TLN2: variants seen among roughly 807,000 people sequenced by gnomAD.
TLN2 encodes the protein talin 2, also known as talin-2.
A neutral mutation model predicts 294.7 loss-of-function variants in TLN2; 118 were observed. The ratio of observed to expected loss-of-function variants is 0.40; its 90% CI spans 0.34 to 0.47. TLN2 has a LOEUF of 0.47. TLN2 is among the 20% of genes least tolerant of loss of function. The pLI is 0.84. For missense variants in TLN2, 3,083 were observed against 3,282.2 expected (o/e 0.94, Z 1.48); for synonymous variants, 1,431 against 1,304.5 (o/e 1.10, Z -2.09).
At chr15:62,686,850 TG>T (rs1378263030) in intron 12 of TLN2, 54 bp downstream of exon 12, 2 of 1,597,984 alleles carry the variant, frequency 1.3e-6, no homozygotes, top group Non-Finnish European at 1.7e-6. Context: ...AGTGATATTG[TG>T]GGGACAGGAG....
In TLN2 at chr15:62,796,121, C is replaced by T; in HGVS notation, c.5884-6C>T. The T allele has an allele frequency of 1.2e-6, 2 of 1,613,462 alleles. No homozygotes were observed. Among genetic ancestry groups the T allele is most frequent in the East Asian group, 4.5e-5 (2 of 44,890 alleles). On this transcript the variant is annotated splice_polypyrimidine_tract_variant and splice_region_variant and intron_variant, in intron 46 of 58. Coordinates refer to ENST00000636159, the MANE Select transcript of TLN2 (RefSeq NM_015059.3). The stretch of plus-strand genomic sequence containing the variant: ...AGCTCCCCTCACATTCCCTTTCTGC[C>T]TACAGGTCTCCTTGGTGCTCTCGGC...
At chr15:62,792,588 G>T (rs2065150042) in intron 45 of TLN2, 53 bp from the exon 46 acceptor site, 5 of 1,588,654 alleles carry the variant, frequency 3.1e-6, no homozygotes, top group African/African-American at 1.4e-5. Context: ...GGAAGGCCTC[G>T]ATGGCAGAGT....
At chr15:62,772,143 T>TG (rs1036893744) in intron 42 of TLN2, among the ~76,000 whole-genome samples, 19 of 152,078 alleles carry the variant, frequency 1.2e-4, no homozygotes, top group East Asian at 5.8e-4. Context: ...TAATTAGAGG[T>TG]GGGGGGTCTC....
intron 39 of TLN2, 122 bp from the exon 40 acceptor site, chr15:62,763,441 C>A: frequency 1.5e-6 from 2 of 1,373,490 alleles, no homozygotes; most frequent in Admixed American, 2.5e-5. Flanking sequence ...AGGGATTCCT[C>A]CTGAAAGGAG....
intron 1 of TLN2, among the ~76,000 whole-genome samples, chr15:62,513,876 T>G (rs370992383): frequency 7.9e-5 from 12 of 152,232 alleles, no homozygotes; most frequent in African/African-American, 2.9e-4. Context: ...GCCTGTAGCC[T>G]TGTGTGTTGG....
rs116380164 is a variant in TLN2 at position 62,800,901 on chromosome 15, T to C, written c.6477+132T>C. On this transcript the variant is annotated intron_variant, in intron 50 of 58. Coordinates refer to ENST00000636159, the MANE Select transcript of TLN2 (RefSeq NM_015059.3). ...AACTGAGAATGCCCCTTCACCTGCC[T>C]GCTGGTAGCTTTATATAATTGAGAC... 2.3e-3 allele frequency: 1,598 copies of C among 683,508 alleles called. 11 individuals carry two copies. The highest frequency in any genetic ancestry group is 0.019 in the African/African-American group (1,037 of 55,456). 42.3% of individuals were successfully genotyped at this position (683,508 alleles called of 1,614,324 possible). A position where few individuals can be genotyped will look rare whatever the true frequency, so the allele number is the denominator to read the frequency against.
intron 1 of TLN2, among the ~76,000 whole-genome samples, chr15:62,545,218 G>A (rs532365935): frequency 6.6e-6 from 1 of 152,190 alleles, no homozygotes; most frequent in East Asian, 1.9e-4. Flanking sequence ...GATTACAGGC[G>A]TGAGCCACCG....
intron 3 of TLN2, among the ~76,000 whole-genome samples, chr15:62,639,420 G>C (rs1281198842): frequency 6.6e-6 from 1 of 152,152 alleles, no homozygotes; most frequent in Admixed American, 6.5e-5. Context: ...TCACACTTGT[G>C]GGGGTGGTTA....
intron 34 of TLN2, among the ~76,000 whole-genome samples, chr15:62,752,016 C>T (rs920980351): frequency 6.6e-6 from 1 of 152,104 alleles, no homozygotes; most frequent in Admixed American, 6.5e-5. Context: ...CAGTTTAGAC[C>T]ATTCACCCAT....
intron 1 of TLN2, among the ~76,000 whole-genome samples, chr15:62,533,787 C>T (rs890817960): frequency 6.6e-6 from 1 of 152,166 alleles, no homozygotes; most frequent in Non-Finnish European, 1.5e-5. Flanking sequence ...GTTGGTCTTT[C>T]TGTCCAGCAA....
At chr15:62,742,333 C>T (rs1042695890) in intron 32 of TLN2, among the ~76,000 whole-genome samples, 3 of 152,130 alleles carry the variant, frequency 2.0e-5, no homozygotes, top group Admixed American at 6.5e-5. Context: ...CCCTCTTGAT[C>T]GTTGCTTTTT....
At chr15:62,482,942 G>C (rs2038190163) in intron 1 of TLN2, among the ~76,000 whole-genome samples, 1 of 152,136 alleles carries the variant, frequency 6.6e-6, no homozygotes, top group Non-Finnish European at 1.5e-5. Context: ...GCTTGGTGTT[G>C]ACAGATGCTC....
Position 62,462,414 on chromosome 15 carries a change from G to A in TLN2, c.-238+71729G>A, listed in dbSNP as rs2036858688. Among the ~76,000 whole-genome samples, 9 of 152,262 alleles carry A rather than the reference G, an allele frequency of 5.9e-5. No homozygotes were observed. In the South Asian group the frequency reaches 1.9e-3, roughly 32 times the overall value. Reference sequence around the variant, plus strand: ...GCCTGGGTCTTCTGAAAGGCCCGTGGGCTGTCCACTTGAGGAAACTGGCTG... The same window carrying A: ...GCCTGGGTCTTCTGAAAGGCCCGTGAGCTGTCCACTTGAGGAAACTGGCTG... On this transcript the variant is annotated intron_variant, in intron 1 of 58. Coordinates refer to ENST00000636159, the MANE Select transcript of TLN2 (RefSeq NM_015059.3).
Position 62,711,976 on chromosome 15 carries a change from T to G in TLN2, c.2533T>G (p.Ser845Ala). ...ATSDLVNAMRSDAEAEIDMEN... is the reference protein window; with the variant it reads ...ATSDLVNAMRADAEAEIDMEN... ...ATCAGACCTCGTCAATGCCATGAGG[T>G]CAGATGCAGAAGCCGAAATCGACAT... The change falls in exon 22 of 59, where the codon TCA becomes GCA. Residue 845 changes from serine (S) to alanine (A), a missense_variant. Ser to Ala is a moderately conservative substitution (Grantham distance 99). Coordinates refer to ENST00000636159, the MANE Select transcript of TLN2 (RefSeq NM_015059.3). 1 of 1,614,010 alleles carries G rather than the reference T, an allele frequency of 6.2e-7. No homozygotes were observed. The highest frequency in any genetic ancestry group is 8.5e-7 in the Non-Finnish European group (1 of 1,179,960).
chr15:62,743,494 C>T (rs1241785326), intron 32 of TLN2, among the ~76,000 whole-genome samples: 2 of 152,106 alleles, frequency 1.3e-5, no homozygotes, highest in Non-Finnish European at 2.9e-5. Flanking sequence ...TACCTATCCC[C>T]TTGGTTTTGG....
At position 62,774,952 on chromosome 15, in the gene TLN2, G is replaced by T. The variant is rs552351463; in HGVS notation, c.5368-1812G>T. Among the ~76,000 whole-genome samples, 4 of 132,254 alleles carry T rather than the reference G, an allele frequency of 3.0e-5. No homozygotes were observed. The South Asian group carries it at 7.2e-4, about 24-fold the overall frequency. The allele number at this position is 132,254 out of a possible 152,430, so 86.8% of individuals were successfully genotyped here. On this transcript the variant is annotated intron_variant, in intron 42 of 58. Transcript: ENST00000636159. Reference sequence around the variant, plus strand: ...TTCATATGAATGTGTAGAATTGCTGGCTTTTTTTTTTTTTTTTTTTTTGAG... The same window carrying T: ...TTCATATGAATGTGTAGAATTGCTGTCTTTTTTTTTTTTTTTTTTTTTGAG...
intron 2 of TLN2, among the ~76,000 whole-genome samples, chr15:62,615,258 T>C (rs1235579533): frequency 6.6e-6 from 1 of 152,264 alleles, no homozygotes; most frequent in Non-Finnish European, 1.5e-5. Context: ...TTTTTAGCAA[T>C]GCACACAAAG....
Position 62,717,654 on chromosome 15 carries a change from C to T in TLN2, c.2842C>T (p.Pro948Ser). ...GAATGCAGCTGTTTCCAACAAGAAC[C>T]CTGCGGCCCAGCAGCAGCTGGTCCA... ...SQNAAVSNKN[P>S]AAQQQLVQSC... Residue 948 changes from proline to serine, a missense_variant, in exon 24 of 59, where the codon CCT becomes TCT. Transcript: ENST00000636159. The T allele has an allele frequency of 3.1e-6, 5 of 1,603,866 alleles. No individual in the cohort carries two copies. Among genetic ancestry groups the T allele is most frequent in the Non-Finnish European group, 4.3e-6 (5 of 1,175,830 alleles).
At chr15:62,561,339 C>T (rs2042938986) in intron 1 of TLN2, 1 of 152,266 alleles carries the variant, frequency 6.6e-6, no homozygotes, top group Non-Finnish European at 1.5e-5. Flanking sequence ...ACACACCCCG[C>T]CGAGGCCCCT....
Sources: allele counts gnomAD v4.1 joint callset (sites outside exome capture counted in the v4.1 genomes callset), GRCh38; gene constraint gnomAD v4.1.1; transcripts MANE v1.5; gene names NCBI Gene and HGNC (gene_info 2026-07-23, HGNC 2026-07-21).